Variants in CAMTA1 observed in about 807,000 individuals in gnomAD.
CAMTA1 encodes the protein calmodulin binding transcription activator 1.
In CAMTA1, 27 loss-of-function variants were observed where a neutral mutation model predicts 170.9. The observed-to-expected ratio is 0.16, with a 90% CI of 0.12 to 0.22. CAMTA1 has a LOEUF of 0.22. CAMTA1 is among the 10% of genes least tolerant of loss of function. The probability of loss-of-function intolerance (pLI) is 1.00; values close to 1 mark genes in which losing one functional copy is unlikely to be tolerated. For synonymous variants in CAMTA1, 833 were observed against 891.5 expected (o/e 0.93, Z 1.17); for missense variants, 1,619 against 2,217.2 (o/e 0.73, Z 5.42).
At chr1:6,864,600 C>G (rs2148928100) in intron 3 of CAMTA1, among the ~76,000 whole-genome samples, 2 of 152,272 alleles carry the variant, frequency 1.3e-5, no homozygotes, top group South Asian at 4.1e-4. Flanking sequence ...CGGTTTCTTG[C>G]CCGAGTCCCT....
intron 3 of CAMTA1, among the ~76,000 whole-genome samples, chr1:6,854,567 C>T (rs1661579408): frequency 6.6e-6 from 1 of 152,206 alleles, no homozygotes; most frequent in Non-Finnish European, 1.5e-5. Context: ...AAATACAACA[C>T]TGCACCCAAT....
In CAMTA1 at chr1:6,864,096, A is replaced by G. The variant is rs567394851; in HGVS notation, c.234+38886A>G. Among the ~76,000 whole-genome samples, 6 of 152,294 alleles carry G rather than the reference A, an allele frequency of 3.9e-5. No individual in the cohort carries two copies. In the East Asian group the frequency reaches 9.6e-4, roughly 24 times the overall value. The stretch of plus-strand genomic sequence containing the variant: ...ATCATATCAAGGGTACCTGCTCTCA[A>G]CATGATTTACTACTGATGATATTAA... On this transcript the variant is annotated intron_variant, in intron 3 of 22. Coordinates refer to ENST00000303635, the MANE Select transcript of CAMTA1 (RefSeq NM_015215.4).
chr1:7,190,690 C>G (rs887014868), intron 4 of CAMTA1, among the ~76,000 whole-genome samples: 16 of 152,110 alleles, frequency 1.1e-4, no homozygotes, highest in Admixed American at 9.2e-4. Context: ...ATATAGTAAG[C>G]CCAGCCTGCA....
At chr1:6,954,498 T>C (rs1689094770) in intron 3 of CAMTA1, among the ~76,000 whole-genome samples, 9 of 152,358 alleles carry the variant, frequency 5.9e-5, no homozygotes, top group Admixed American at 5.2e-4. Context: ...TTGCACACAA[T>C]GATTTTGTCA....
chr1:7,322,370 G>A (rs1218847620), intron 5 of CAMTA1, among the ~76,000 whole-genome samples: 2 of 152,220 alleles, frequency 1.3e-5, no homozygotes, highest in Non-Finnish European at 2.9e-5. Context: ...AGGGAGAGAT[G>A]GTAAATGTTT....
intron 17 of CAMTA1, 75 bp from the exon 18 acceptor site, chr1:7,745,770 G>A: frequency 1.9e-6 from 3 of 1,572,562 alleles, no homozygotes; most frequent in Non-Finnish European, 2.6e-6. Context: ...TACCATCTTG[G>A]CTCATTCATT....
At chr1:7,341,811 T>C (rs1023118833) in intron 5 of CAMTA1, among the ~76,000 whole-genome samples, 1 of 152,184 alleles carries the variant, frequency 6.6e-6, no homozygotes, top group Non-Finnish European at 1.5e-5. Flanking sequence ...CTCCATAGGA[T>C]AAATGAGAAT....
chr1:7,553,182 A>C (rs184884702), intron 6 of CAMTA1, among the ~76,000 whole-genome samples: 13 of 152,348 alleles, frequency 8.5e-5, no homozygotes, highest in African/African-American at 2.9e-4. Flanking sequence ...TGAGTGAATG[A>C]ATGAATGAGT....
chr1:7,129,632 A>T (rs902011837), intron 4 of CAMTA1, among the ~76,000 whole-genome samples: 1 of 150,834 alleles, frequency 6.6e-6, no homozygotes, highest in Non-Finnish European at 1.5e-5. Flanking sequence ...TTGTTCATTT[A>T]TAGTTTTATC....
intron 3 of CAMTA1, among the ~76,000 whole-genome samples, chr1:6,913,030 C>T (rs1033363204): frequency 2.0e-5 from 3 of 152,222 alleles, no homozygotes; most frequent in South Asian, 2.1e-4. Flanking sequence ...CCCCAGGCTG[C>T]CATCAGCATG....
At chr1:7,241,118 C>G (rs955395404) in intron 4 of CAMTA1, among the ~76,000 whole-genome samples, 35 of 152,216 alleles carry the variant, frequency 2.3e-4, no homozygotes, top group African/African-American at 8.2e-4. Context: ...GATCAACATA[C>G]AAAATTCAAT....
chr1:7,298,625 T>C (rs925609093), intron 5 of CAMTA1, among the ~76,000 whole-genome samples: 1 of 152,190 alleles, frequency 6.6e-6, no homozygotes, highest in Non-Finnish European at 1.5e-5. Context: ...AGGTCTCTTG[T>C]ATATTAGAAT....
intron 3 of CAMTA1, among the ~76,000 whole-genome samples, chr1:6,832,953 A>G (rs1651051626): frequency 6.6e-6 from 1 of 152,198 alleles, no homozygotes; most frequent in African/African-American, 2.4e-5. Flanking sequence ...AGTGAGATAC[A>G]TGATACTGAA....
intron 3 of CAMTA1, among the ~76,000 whole-genome samples, chr1:7,000,243 T>G (rs776809008): frequency 2.6e-5 from 4 of 152,236 alleles, no homozygotes; most frequent in Non-Finnish European, 5.9e-5. Flanking sequence ...TTCCCGGTCC[T>G]GCAGCCCCCT....
intron 3 of CAMTA1, among the ~76,000 whole-genome samples, chr1:7,068,981 G>A (rs1252679242): frequency 1.3e-5 from 2 of 152,168 alleles, no homozygotes; most frequent in Admixed American, 6.5e-5. Flanking sequence ...ACCCAGGGAC[G>A]GTGGGAGGAA....
intron 4 of CAMTA1, among the ~76,000 whole-genome samples, chr1:7,178,386 G>A (rs1204404444): frequency 1.3e-5 from 2 of 152,202 alleles, no homozygotes; most frequent in Non-Finnish European, 2.9e-5. Context: ...TGAAGGCTCA[G>A]CATTTGTAAT....
In CAMTA1 at chr1:7,195,883, G is replaced by A. The variant is rs974527942; in HGVS notation, c.303-53608G>A. 7.9e-5 allele frequency among the ~76,000 whole-genome samples: 12 copies of A among 152,184 alleles called. No homozygotes were observed. The highest frequency in any genetic ancestry group is 1.3e-4 in the Admixed American group (2 of 15,276). On this transcript the variant is annotated intron_variant, in intron 4 of 22. Transcript: ENST00000303635. The surrounding 1 kb of genome is among the most constrained non-coding windows in gnomAD (Gnocchi z 4.1). The stretch of plus-strand genomic sequence containing the variant: ...AGAATACAAAAATTAGCCAGGCATG[G>A]TGGCACATGCCTGTAGTCCCAGCTC...
intron 6 of CAMTA1, among the ~76,000 whole-genome samples, chr1:7,617,031 A>T (rs1254626546): frequency 2.0e-5 from 3 of 152,204 alleles, no homozygotes; most frequent in Admixed American, 2.0e-4. Context: ...CTCGTGGGGT[A>T]AAGTGTGGCT....
At chr1:7,132,927 G>A (rs1645346642) in intron 4 of CAMTA1, among the ~76,000 whole-genome samples, 1 of 152,080 alleles carries the variant, frequency 6.6e-6, no homozygotes, top group Admixed American at 6.6e-5. Flanking sequence ...ATTTTCAAAT[G>A]TTAAACCTAC....
Sources: gnomAD v4.1 joint callset for allele counts (sites outside exome capture counted in the v4.1 genomes callset) on GRCh38, gnomAD v4.1.1 for gene constraint, Gnocchi (gnomAD v3.1) non-coding constraint, MANE v1.5 for transcripts, NCBI Gene and HGNC (gene_info 2026-07-23, HGNC 2026-07-21) for gene names.